HOXC4: variants seen among roughly 807,000 people sequenced by gnomAD.
HOXC4 encodes the protein homeobox protein Hox-C4.
A neutral mutation model predicts 25.5 loss-of-function variants in HOXC4; 15 were observed. The ratio of observed to expected loss-of-function variants is 0.59; its 90% CI spans 0.39 to 0.91. The LOEUF (loss-of-function observed/expected upper bound fraction) is 0.91, where lower values mean the gene tolerates loss of function less well. Among genes scored for constraint, HOXC4 ranks in the 40% least tolerant of loss-of-function variants. The pLI is 0.00. For synonymous variants in HOXC4, 165 were observed against 148.0 expected, an observed-to-expected ratio of 1.11 and a Z score of -0.83; for missense variants, 342 against 352.4, an observed-to-expected ratio of 0.97 and a Z score of 0.24.
intron 1 of HOXC4, chr12:54,033,048 A>C (rs1941045836): frequency 1.6e-6 from 2 of 1,242,414 alleles, no homozygotes; most frequent in Non-Finnish European, 2.3e-6. Context: ...AGAACAAAAA[A>C]CCCCTCAACT....
At chr12:54,049,144 T>C (rs554843282), upstream of HOXC4, among the ~76,000 whole-genome samples, 1 of 152,274 alleles carries the variant, frequency 6.6e-6, no homozygotes, top group East Asian at 1.9e-4. Context: ...AACTAACAAT[T>C]TCTCCAGCAT....
Position 54,028,301 on chromosome 12 carries a change from G to A in HOXC4, c.-124+10887G>A, listed in dbSNP as rs1940819952. 7 of 413,938 alleles carry A rather than the reference G, an allele frequency of 1.7e-5. 1 individual carries two copies. In the Admixed American group the frequency reaches 2.4e-4, roughly 14 times the overall value. 25.6% of individuals were successfully genotyped at this position (413,938 alleles called of 1,614,324 possible). A position where few individuals can be genotyped will look rare whatever the true frequency, so the allele number is the denominator to read the frequency against. ...AAGAAATCCAAGTCTTACTTTCAAAGCACACACTTAGTCTCAACTAGGGAA... is the reference window on the plus strand; with the variant it reads ...AAGAAATCCAAGTCTTACTTTCAAAACACACACTTAGTCTCAACTAGGGAA... On this transcript the variant is annotated intron_variant, in intron 1 of 3. Transcript: ENST00000303406.
intron 1 of HOXC4, among the ~76,000 whole-genome samples, chr12:54,047,432 C>CCCGGA (rs1291217297): frequency 1.3e-5 from 2 of 152,350 alleles, no homozygotes; most frequent in East Asian, 3.9e-4. Flanking sequence ...CGAAGCCCGC[C>CCCGGA]CCGGACCCAG....
Position 54,054,164 on chromosome 12 carries a change from A to G in HOXC4, c.242A>G (p.His81Arg). The G allele has an allele frequency of 1.9e-6, 3 of 1,613,702 alleles. No individual in the cohort carries two copies. Among genetic ancestry groups the G allele is most frequent in the Non-Finnish European group, 2.5e-6 (3 of 1,179,882 alleles). ...SLQGPGNSRGHGPAQAGHHHP... is the reference protein window; with the variant it reads ...SLQGPGNSRGRGPAQAGHHHP... Reference sequence around the variant, plus strand: ...CAGGGGCCCGGCAATTCGCGAGGCCACGGGCCGGCCCAGGCGGGCCACCAC... The same window carrying G: ...CAGGGGCCCGGCAATTCGCGAGGCCGCGGGCCGGCCCAGGCGGGCCACCAC... Residue 81 changes from histidine (H) to arginine (R), a missense_variant, in exon 1 of 2, where the codon CAC becomes CGC. Transcript: ENST00000430889.
intron 1 of HOXC4, chr12:54,034,969 G>T (rs1592240136): frequency 5.5e-6 from 1 of 182,442 alleles, no homozygotes; most frequent in African/African-American, 2.4e-5. Flanking sequence ...CCTAGACTCG[G>T]GGTGCTTCCT....
chr12:54,021,889 CT>C (rs1683197115), intron 1 of HOXC4: 1 of 152,334 alleles, frequency 6.6e-6, no homozygotes, highest in African/African-American at 2.4e-5. Context: ...AAGTGCTGTG[CT>C]ATCCCCGGAC....
chr12:54,017,273 A>G (rs1367941012), exon 1 of HOXC4: 2 of 152,122 alleles, frequency 1.3e-5, no homozygotes, highest in East Asian at 3.9e-4. Flanking sequence ...AATTATTTTT[A>G]TTTTTGAATT....
chr12:54,046,999 A>G (rs1937727590), intron 1 of HOXC4, among the ~76,000 whole-genome samples: 1 of 152,132 alleles, frequency 6.6e-6, no homozygotes, highest in Non-Finnish European at 1.5e-5. Flanking sequence ...CGCAGTGGGG[A>G]CCGCCAGCCC....
At chr12:54,040,835 C>T (rs1941260557) in intron 1 of HOXC4, among the ~76,000 whole-genome samples, 2 of 152,168 alleles carry the variant, frequency 1.3e-5, no homozygotes, top group African/African-American at 4.8e-5. Flanking sequence ...TAGCCATTAG[C>T]TTTATCAGAC....
chr12:54,039,023 G>A (rs1941230232), intron 1 of HOXC4, among the ~76,000 whole-genome samples: 1 of 152,152 alleles, frequency 6.6e-6, no homozygotes, highest in African/African-American at 2.4e-5. Flanking sequence ...CCCTCCCTGT[G>A]CGTCACCGGG....
rs1231105401 is a variant in HOXC4, at chr12:54,022,397, G to A, written c.-124+4983G>A. 4 of 152,312 alleles carry A rather than the reference G, an allele frequency of 2.6e-5. No individual in the cohort carries two copies. The East Asian group carries it at 5.8e-4, about 22-fold the overall frequency. The allele number at this position is 152,312 out of a possible 1,614,324, so 9.4% of individuals were successfully genotyped here. On this transcript the variant is annotated intron_variant, in intron 1 of 3. Transcript: ENST00000303406. ...CTATATGTCTCCAATCCTGCCAGGT[G>A]TAGAGTCAGATAGTTGGCTTTTGGC...
In HOXC4 at chr12:54,047,260, C is replaced by T. The variant is rs183705682; in HGVS notation, c.-123-5900C>T. The stretch of plus-strand genomic sequence containing the variant: ...TGAGGCCAGGCCTGAAGGGATAACC[C>T]ACACAGGGAACGTTTTCCTATCAGA... On this transcript the variant is annotated intron_variant, in intron 1 of 3. Transcript: ENST00000303406. 7.2e-5 allele frequency among the ~76,000 whole-genome samples: 11 copies of T among 152,334 alleles called. No homozygotes were observed. In the East Asian group the frequency reaches 2.1e-3, roughly 29 times the overall value.
At chr12:54,049,747 TACACACACACACACAC>T (rs10590659), upstream of HOXC4, among the ~76,000 whole-genome samples, 94 of 125,822 alleles carry the variant, frequency 7.5e-4, 2 homozygotes, top group South Asian at 8.4e-3. Flanking sequence ...GACAAACACA[TACACACACACACACAC>T]ACACACACAC....
intron 1 of HOXC4, chr12:54,029,659 C>T (rs1419309814): frequency 6.2e-7 from 1 of 1,611,198 alleles, no homozygotes; most frequent in East Asian, 2.2e-5. Flanking sequence ...CTTTAGGGGT[C>T]GGCTACGGAG....
At chr12:54,033,352 G>A in intron 1 of HOXC4, 1 of 1,612,842 alleles carries the variant, frequency 6.2e-7, no homozygotes, top group Non-Finnish European at 8.5e-7. Flanking sequence ...CCCGCCTGCA[G>A]CGCCGCGGCC....
rs1937962797 is a variant in HOXC4, at chr12:54,055,644, C to G, written c.*439C>G. The G allele has an allele frequency of 6.7e-6, 1 of 149,602 alleles. No homozygotes were observed. The highest frequency in any genetic ancestry group is 2.5e-5 in the African/African-American group (1 of 40,006). 9.3% of individuals were successfully genotyped at this position (149,602 alleles called of 1,614,324 possible). ...CCTTCTCCTCCTCCTCCTTCCCCCCCTCTTTCCTTAGGCCTTTTGCATTGA... is the reference window on the plus strand; with the variant it reads ...CCTTCTCCTCCTCCTCCTTCCCCCCGTCTTTCCTTAGGCCTTTTGCATTGA... On this transcript the variant is annotated 3_prime_UTR_variant, in exon 2 of 2. Coordinates refer to ENST00000430889, the MANE Select transcript of HOXC4 (RefSeq NM_153633.3).
At chr12:54,018,569 T>A (rs1940273653) in intron 1 of HOXC4, among the ~76,000 whole-genome samples, 2 of 152,178 alleles carry the variant, frequency 1.3e-5, no homozygotes, top group South Asian at 4.1e-4. Flanking sequence ...ACGCATATGG[T>A]TTCATAACAC....
At chr12:54,040,974 C>T (rs1198174712) in intron 1 of HOXC4, among the ~76,000 whole-genome samples, 1 of 152,128 alleles carries the variant, frequency 6.6e-6, no homozygotes, top group Non-Finnish European at 1.5e-5. Context: ...CAGAGAATTC[C>T]GACTTTCCTC....
At chr12:54,030,887 A>G (rs1404339056) in intron 1 of HOXC4, 2 of 152,250 alleles carry the variant, frequency 1.3e-5, no homozygotes, top group Admixed American at 1.3e-4. Flanking sequence ...GCAGGCTCCA[A>G]GCGCTCCCGC....
Sources: gnomAD v4.1 joint callset for allele counts (sites outside exome capture counted in the v4.1 genomes callset) on GRCh38, gnomAD v4.1.1 for gene constraint, MANE v1.5 for transcripts, NCBI Gene and HGNC (gene_info 2026-07-23, HGNC 2026-07-21) for gene names.